HTR3B: variants seen among roughly 807,000 people sequenced by gnomAD.
HTR3B encodes 5-hydroxytryptamine (serotonin) receptor 3B, ionotropic.
Under a neutral mutation model 42.8 loss-of-function variants are expected in HTR3B, and 44 were observed. The observed-to-expected ratio is 1.03, with a 90% CI of 0.81 to 1.32. HTR3B has a LOEUF of 1.32. HTR3B is among the 40% of genes most tolerant of loss of function. The pLI is 0.00. For missense variants in HTR3B, 527 were observed against 536.5 expected, an observed-to-expected ratio of 0.98 and a Z score of 0.17; for synonymous variants, 203 against 209.0, an observed-to-expected ratio of 0.97 and a Z score of 0.25.
Position 113,944,729 on chromosome 11 carries a change from C to A in HTR3B, c.1064C>A (p.Pro355His), listed in dbSNP as rs868126584. Residue 355 changes from proline (P) to histidine (H), a missense_variant, in exon 8 of 9, where the codon CCC (proline) becomes CAC (histidine). Transcript: ENST00000260191. ...DTDADRPRVE[P>H]RAQRAVVTES... The stretch of plus-strand genomic sequence containing the variant: ...GATGCTGACAGGCCTAGAGTGGAAC[C>A]CAGGGCCCAACGTGCTGTGGTAACA... 4 of 1,613,990 alleles carry A rather than the reference C, an allele frequency of 2.5e-6. No individual in the cohort carries two copies. The highest frequency in any genetic ancestry group is 2.5e-6 in the Non-Finnish European group (3 of 1,180,000).
At chr11:113,939,365 C>A (rs1020311301) in intron 6 of HTR3B, among the ~76,000 whole-genome samples, 2 of 152,180 alleles carry the variant, frequency 1.3e-5, no homozygotes, top group Admixed American at 6.5e-5. Flanking sequence ...AATGAAAATG[C>A]AGGACCCCTT....
Position 113,946,200 on chromosome 11 carries a change from T to G in HTR3B, c.*63T>G, listed in dbSNP as rs1235756027. On this transcript the variant is annotated 3_prime_UTR_variant, in exon 9 of 9. Transcript: ENST00000260191. ...GGAGAGAGAGGAGGGGGAATAATAG[T>G]GGGTTAAAAAGCTTTCTGGGTCGGG... 3.7e-6 allele frequency: 5 copies of G among 1,358,138 alleles called. No homozygotes were observed. Among genetic ancestry groups the G allele is most frequent in the South Asian group, 1.2e-5 (1 of 85,232 alleles). 84.1% of individuals were successfully genotyped at this position (1,358,138 alleles called of 1,614,324 possible).
chr11:113,942,710 G>C lies in HTR3B; in HGVS notation c.697-272G>C, dbSNP rs563317951. On this transcript the variant is annotated intron_variant, in intron 6 of 8. Transcript: ENST00000260191. ...TATGAGCCACTGAGTCTGGTGCCTG[G>C]CACACAGCAAGTGGTAAGTAAATGC... Among the ~76,000 whole-genome samples, 39 of 152,250 alleles carry C rather than the reference G, an allele frequency of 2.6e-4. No homozygotes were observed. In the South Asian group the frequency reaches 6.4e-3, roughly 25 times the overall value.
At chr11:113,900,986 C>T (rs1949693475), upstream of HTR3B, among the ~76,000 whole-genome samples, 1 of 152,094 alleles carries the variant, frequency 6.6e-6, no homozygotes, top group Admixed American at 6.5e-5. Context: ...TCACCAGGCC[C>T]CTCCTCTGAC....
chr11:113,932,911 A>T lies in HTR3B; in HGVS notation c.539-25A>T, dbSNP rs186002165. 1.3e-3 allele frequency: 2,060 copies of T among 1,608,380 alleles called. 3 individuals are homozygous for T. Among genetic ancestry groups the T allele is most frequent in the South Asian group, 2.5e-3 (230 of 90,462 alleles). ...GTTGGCATCTCTTTCTCTCTGGGAA[A>T]GTCAATTGTTTGTGTTGTTTGCAGT... On this transcript the variant is annotated intron_variant, in intron 5 of 8. Transcript: ENST00000260191.
chr11:113,946,746 C>T lies in HTR3B; in HGVS notation c.*609C>T, dbSNP rs7945926. 0.15 allele frequency among the ~76,000 whole-genome samples: 22,706 copies of T among 152,218 alleles called. 1,766 individuals are homozygous for T. The highest frequency in any genetic ancestry group is 0.16 in the African/African-American group (6,578 of 41,516). On this transcript the variant is annotated 3_prime_UTR_variant, in exon 9 of 9. Transcript: ENST00000260191. ...ATTTCTTCCAGAAGATTTCTAGGCA[C>T]ACACATGCATCTATGTATGGTTAAG... is the stretch of plus-strand genomic sequence containing the variant.
At chr11:113,922,171 C>G (rs887580328) in intron 2 of HTR3B, among the ~76,000 whole-genome samples, 4 of 152,148 alleles carry the variant, frequency 2.6e-5, no homozygotes, top group Admixed American at 2.6e-4. Context: ...GGTAAGAGCA[C>G]TTCCTTTAAA....
intron 6 of HTR3B, among the ~76,000 whole-genome samples, chr11:113,942,314 A>C (rs2137537440): frequency 6.6e-6 from 1 of 152,270 alleles, no homozygotes; most frequent in African/African-American, 2.4e-5. Flanking sequence ...AATACAAAAA[A>C]TAAGCCGGGC....
chr11:113,923,087 AT>A (rs940974997), intron 2 of HTR3B, among the ~76,000 whole-genome samples: 9 of 152,220 alleles, frequency 5.9e-5, no homozygotes, highest in Non-Finnish European at 1.2e-4. Context: ...TACTCTAAAA[AT>A]GCTCTGTAAA....
Position 113,947,093 on chromosome 11 carries a change from C to A in HTR3B, c.*956C>A, listed in dbSNP as rs1950186551. On this transcript the variant is annotated 3_prime_UTR_variant, in exon 9 of 9. Transcript: ENST00000260191. ...GCAGTGCATCCCCACTGGAGAGAAC[C>A]CAGGTGCCAAGGCTTCTTTTTTTTT... Among the ~76,000 whole-genome samples, 2 of 151,902 alleles carry A rather than the reference C, an allele frequency of 1.3e-5. No individual in the cohort carries two copies. Among genetic ancestry groups the A allele is most frequent in the African/African-American group, 4.8e-5 (2 of 41,342 alleles).
Position 113,945,999 on chromosome 11 carries a change from C to T in HTR3B, c.1188C>T (p.Asp396=). ...TCAGCAACTACCTCCAAACTCAGGA[C>T]CAGACAGACCAACAGGAGGCAGAGT... ...QSISNYLQTQ[D]QTDQQEAEWL... is the part of the protein sequence containing the mutation. Residue 396 remains aspartate (D), a synonymous_variant, in exon 9 of 9, where the codon GAC becomes GAT. Transcript: ENST00000260191. 1 of 1,614,120 alleles carries T rather than the reference C, an allele frequency of 6.2e-7. No individual in the cohort carries two copies. Among genetic ancestry groups the T allele is most frequent in the South Asian group, 1.1e-5 (1 of 91,080 alleles).
At chr11:113,940,294 G>A (rs45582140) in intron 6 of HTR3B, among the ~76,000 whole-genome samples, 1 of 152,132 alleles carries the variant, frequency 6.6e-6, no homozygotes, top group Non-Finnish European at 1.5e-5. Flanking sequence ...AGTCTCTAGG[G>A]AGTGTTCCCA....
intron 2 of HTR3B, among the ~76,000 whole-genome samples, chr11:113,923,281 A>G (rs191988777): frequency 4.5e-4 from 69 of 152,332 alleles, no homozygotes; most frequent in African/African-American, 1.6e-3. Flanking sequence ...GTTTAGAATG[A>G]AGAGCTTTCA....
chr11:113,925,611 A>T (rs1351401798), intron 2 of HTR3B, among the ~76,000 whole-genome samples: 1 of 151,732 alleles, frequency 6.6e-6, no homozygotes, highest in Non-Finnish European at 1.5e-5. Context: ...TTTAGTAGAG[A>T]CGGGGTTTCA....
At chr11:113,925,512 C>A (rs989206801) in intron 2 of HTR3B, among the ~76,000 whole-genome samples, 2 of 150,910 alleles carry the variant, frequency 1.3e-5, no homozygotes, top group African/African-American at 4.9e-5. Context: ...CAACCTCCGC[C>A]TCCTGGGTTC....
chr11:113,919,854 C>A (rs147843445), intron 2 of HTR3B, among the ~76,000 whole-genome samples: 33 of 151,728 alleles, frequency 2.2e-4, no homozygotes, highest in Non-Finnish European at 4.1e-4. Context: ...ACAACAACAA[C>A]AACAACAACA....
intron 2 of HTR3B, among the ~76,000 whole-genome samples, chr11:113,920,255 G>A (rs111554680): frequency 0.036 from 5,521 of 152,028 alleles, 432 homozygotes; most frequent in East Asian, 0.29. Context: ...CTCAGACTCC[G>A]GACCTCAGGT....
chr11:113,901,123 G>T (rs1274539309), upstream of HTR3B, among the ~76,000 whole-genome samples: 1 of 152,118 alleles, frequency 6.6e-6, no homozygotes, highest in Non-Finnish European at 1.5e-5. Flanking sequence ...GAAGGGTGGG[G>T]AGAGGAGCAA....
Position 113,938,552 on chromosome 11 carries a change from T to G in HTR3B, c.697-4430T>G, listed in dbSNP as rs79337808. ...GGGCAGGGAACTGTCTTATTAATAG[T>G]ACTAACTTCAGTATTTAGGATAGTA... On this transcript the variant is annotated intron_variant, in intron 6 of 8. Coordinates refer to ENST00000260191, the MANE Select transcript of HTR3B (RefSeq NM_006028.5). Among the ~76,000 whole-genome samples, 453 of 152,326 alleles carry G rather than the reference T, an allele frequency of 3.0e-3. 5 individuals carry two copies. Among genetic ancestry groups the G allele is most frequent in the African/African-American group, 9.8e-3 (406 of 41,578 alleles).
Sources: allele counts gnomAD v4.1 joint callset (sites outside exome capture counted in the v4.1 genomes callset), GRCh38; gene constraint gnomAD v4.1.1; transcripts MANE v1.5; gene names NCBI Gene and HGNC (gene_info 2026-07-23, HGNC 2026-07-21).